The following NUBPL variants were observed in gnomAD, a reference collection of about 807,000 sequenced individuals.
The protein encoded by NUBPL is iron-sulfur cluster transfer protein NUBPL.
In NUBPL, 31 loss-of-function variants were observed where a neutral mutation model predicts 45.7. That is an observed-to-expected ratio of 0.68 (90% CI 0.51 to 0.92). The LOEUF is 0.92. Ranked by LOEUF, NUBPL falls within the 40% of genes least tolerant of loss-of-function variation. NUBPL has a pLI of 0.00. For missense variants in NUBPL, 401 were observed against 398.7 expected (o/e 1.01, Z -0.05); for synonymous variants, 144 against 140.9 (o/e 1.02, Z -0.15).
At chr14:31,825,198 A>C (rs1270463108) in intron 7 of NUBPL, among the ~76,000 whole-genome samples, 1 of 129,962 alleles carries the variant, frequency 7.7e-6, no homozygotes, top group Non-Finnish European at 1.8e-5. Flanking sequence ...AGTTTTTAAG[A>C]ATATAAACTT....
chr14:31,580,510 C>T (rs2033834193), intron 3 of NUBPL, among the ~76,000 whole-genome samples: 1 of 152,138 alleles, frequency 6.6e-6, no homozygotes. Context: ...CCCAGCTACT[C>T]AGAAGGCTGA....
intron 3 of NUBPL, among the ~76,000 whole-genome samples, chr14:31,567,227 C>G (rs1566417281): frequency 6.6e-6 from 1 of 152,044 alleles, no homozygotes; most frequent in Non-Finnish European, 1.5e-5. Flanking sequence ...TTTGTAATAA[C>G]CAGTGTTTTC....
At position 31,747,072 on chromosome 14, in the gene NUBPL, C is replaced by CAAAA. The variant is rs371061163; in HGVS notation, c.514-40690_514-40687dup. On this transcript the variant is annotated intron_variant, in intron 6 of 10. Transcript: ENST00000281081. ...GTGATACAGAGAGAGAACCTGTCTC[C>CAAAA]AAAAAAAAAAAAAAAAAAAAAGAGT... Among the ~76,000 whole-genome samples the CAAAA allele has an allele frequency of 2.4e-3, 159 of 65,424 alleles. 1 individual carries two copies. Among genetic ancestry groups the CAAAA allele is most frequent in the South Asian group, 6.0e-3 (10 of 1,658 alleles). 42.9% of individuals were successfully genotyped at this position (65,424 alleles called of 152,430 possible).
In NUBPL at chr14:31,758,638, C is replaced by T. The variant is rs533168404; in HGVS notation, c.514-29142C>T. ...CTTGTTAATAATTATGAAATATTTT[C>T]AATTATATCTCCCATCAAAAAGGAA... On this transcript the variant is annotated intron_variant, in intron 6 of 10. Transcript: ENST00000281081. Among the ~76,000 whole-genome samples, 40 of 151,974 alleles carry T rather than the reference C, an allele frequency of 2.6e-4. No individual in the cohort carries two copies. In the Middle Eastern group the frequency reaches 0.01, roughly 39 times the overall value.
At chr14:31,785,412 G>C (rs1169668341) in intron 6 of NUBPL, among the ~76,000 whole-genome samples, 1 of 152,116 alleles carries the variant, frequency 6.6e-6, no homozygotes, top group Non-Finnish European at 1.5e-5. Context: ...GATCAGCAGT[G>C]GCATTAGATT....
At chr14:31,608,775 A>G (rs1475700908) in intron 4 of NUBPL, among the ~76,000 whole-genome samples, 1 of 152,138 alleles carries the variant, frequency 6.6e-6, no homozygotes, top group Non-Finnish European at 1.5e-5. Flanking sequence ...TCAGACAGTA[A>G]TGTTCCCTTG....
intron 8 of NUBPL, among the ~76,000 whole-genome samples, chr14:31,836,401 G>A (rs1480904215): frequency 6.6e-6 from 1 of 152,170 alleles, no homozygotes. Flanking sequence ...CTATAGCAAA[G>A]AATCTGTTTT....
intron 8 of NUBPL, among the ~76,000 whole-genome samples, chr14:31,835,189 TG>T (rs2040262503): frequency 6.6e-6 from 1 of 152,120 alleles, no homozygotes; most frequent in African/African-American, 2.4e-5. Context: ...CAGCACTGGG[TG>T]GTAAGGATGG....
In NUBPL at chr14:31,841,923, T is replaced by TTTTG. The variant is rs2040378623; in HGVS notation, c.694-4545_694-4544insGTTT. Among the ~76,000 whole-genome samples the TTTTG allele has an allele frequency of 4.5e-5, 5 of 110,936 alleles. 1 individual carries two copies. Among genetic ancestry groups the TTTTG allele is most frequent in the Admixed American group, 8.9e-5 (1 of 11,190 alleles). The allele number at this position is 110,936 out of a possible 152,430, so 72.8% of individuals were successfully genotyped here. The stretch of plus-strand genomic sequence containing the variant: ...TGTATGGGTCGATTCTGGGCTTTTT[T>TTTTG]TTTTTTTTTTTTTTTTTTTTTTTTT... On this transcript the variant is annotated intron_variant, in intron 8 of 10. Coordinates refer to ENST00000281081, the MANE Select transcript of NUBPL (RefSeq NM_025152.3).
At chr14:31,841,329 C>T (rs572761688) in intron 8 of NUBPL, among the ~76,000 whole-genome samples, 16 of 152,324 alleles carry the variant, frequency 1.1e-4, no homozygotes, top group African/African-American at 3.8e-4. Context: ...ACTTGTTTCA[C>T]ATTCTCACAA....
rs114623430 is a variant in NUBPL, at chr14:31,793,762, C to T, written c.607+5889C>T. 6.1e-3 allele frequency among the ~76,000 whole-genome samples: 927 copies of T among 151,170 alleles called. 12 individuals are homozygous for T. Among genetic ancestry groups the T allele is most frequent in the African/African-American group, 0.021 (872 of 41,192 alleles). On this transcript the variant is annotated intron_variant, in intron 7 of 10. Transcript: ENST00000281081. The stretch of plus-strand genomic sequence containing the variant: ...CTTATGCAATTAATATTAACTGAGT[C>T]AATGACAAAGCTAGTCTGACTAGCT...
chr14:31,825,338 C>T (rs1268712975), intron 7 of NUBPL, among the ~76,000 whole-genome samples: 1 of 152,140 alleles, frequency 6.6e-6, no homozygotes, highest in African/African-American at 2.4e-5. Context: ...AGCTTTTCTT[C>T]CTATTTCTTC....
At chr14:31,606,453 T>C (rs2139584440) in intron 4 of NUBPL, among the ~76,000 whole-genome samples, 1 of 152,286 alleles carries the variant, frequency 6.6e-6, no homozygotes. Context: ...ACTCTAGTTA[T>C]TCCTTAAGTC....
chr14:31,680,518 GTTAT>G (rs1256368603), intron 6 of NUBPL, among the ~76,000 whole-genome samples: 1 of 151,598 alleles, frequency 6.6e-6, no homozygotes, highest in African/African-American at 2.4e-5. Flanking sequence ...TTTTAATTTG[GTTAT>G]TTATTCTCAC....
At chr14:31,824,957 G>A (rs149646200) in intron 7 of NUBPL, among the ~76,000 whole-genome samples, 1,770 of 152,130 alleles carry the variant, frequency 0.012, 15 homozygotes, top group Non-Finnish European at 0.017. Context: ...AAAAATTCAC[G>A]GATTCAGCCA....
At chr14:31,790,640 A>G (rs12892628) in intron 7 of NUBPL, among the ~76,000 whole-genome samples, 3,688 of 151,190 alleles carry the variant, frequency 0.024, 73 homozygotes, top group Non-Finnish European at 0.037. Context: ...TCACGAGGTC[A>G]GGAGATCGAG....
chr14:31,849,203 A>G (rs186387760), intron 9 of NUBPL, among the ~76,000 whole-genome samples: 15 of 152,308 alleles, frequency 9.8e-5, no homozygotes, highest in Admixed American at 8.5e-4. Flanking sequence ...TTCATTATTT[A>G]AATTTCCTGA....
intron 3 of NUBPL, among the ~76,000 whole-genome samples, chr14:31,571,683 C>A (rs1319628570): frequency 1.3e-5 from 2 of 152,136 alleles, no homozygotes; most frequent in African/African-American, 4.8e-5. Context: ...CTCCTGACCT[C>A]AGGTGATCTG....
At chr14:31,779,513 G>A (rs2039155187) in intron 6 of NUBPL, among the ~76,000 whole-genome samples, 2 of 152,022 alleles carry the variant, frequency 1.3e-5, no homozygotes, top group Admixed American at 1.3e-4. Context: ...CTGAGACAAG[G>A]GGTCATAGTA....
Sources: gnomAD v4.1 joint callset for allele counts (sites outside exome capture counted in the v4.1 genomes callset) on GRCh38, gnomAD v4.1.1 for gene constraint, MANE v1.5 for transcripts, NCBI Gene and HGNC (gene_info 2026-07-23, HGNC 2026-07-21) for gene names.